The following USH2A variants were observed in gnomAD, a reference collection of about 807,000 sequenced individuals.
USH2A encodes Usher syndrome 2A (autosomal recessive, mild).
USH2A carries 443 observed loss-of-function variants against 538.9 expected under a neutral mutation model. The ratio of observed to expected loss-of-function variants is 0.82; its 90% CI spans 0.76 to 0.89. The LOEUF is 0.89. Among genes scored for constraint, USH2A ranks in the 40% least tolerant of loss-of-function variants. USH2A has a pLI of 0.00. For synonymous variants in USH2A, 2,413 were observed against 2,273.5 expected (o/e 1.06, Z -1.75); for missense variants, 6,633 against 6,324.8 (o/e 1.05, Z -1.65).
chr1:216,207,389 G>A lies in USH2A; in HGVS notation c.3200C>T (p.Ser1067Phe), dbSNP rs2035138677. The change falls in exon 16 of 72, where the codon TCT (serine) becomes TTT (phenylalanine). Residue 1067 changes from serine to phenylalanine, a missense_variant. Transcript: ENST00000307340. Reference sequence around the variant, plus strand: ...ACTCCAGGAGAGATTGATAGCAGAAGAACTTTGAACTTGTCCTCTGGGCGG... The same window carrying A: ...ACTCCAGGAGAGATTGATAGCAGAAAAACTTTGAACTTGTCCTCTGGGCGG... Reference protein sequence around the residue: ...QPPPRGQVQSSSAINLSWSPP... With the variant: ...QPPPRGQVQSFSAINLSWSPP... 6.2e-7 allele frequency: 1 copy of A among 1,614,026 alleles called. No homozygotes were observed. Among genetic ancestry groups the A allele is most frequent in the Middle Eastern group, 1.7e-4 (1 of 6,058 alleles).
chr1:216,257,207 T>C (rs916319050), intron 11 of USH2A, among the ~76,000 whole-genome samples: 2 of 152,012 alleles, frequency 1.3e-5, no homozygotes, highest in African/African-American at 2.4e-5. Context: ...ATGTGTCTTA[T>C]AGTATAGGTT....
intron 64 of USH2A, among the ~76,000 whole-genome samples, chr1:215,652,705 A>G (rs1015432846): frequency 6.6e-6 from 1 of 152,170 alleles, no homozygotes; most frequent in Non-Finnish European, 1.5e-5. Flanking sequence ...TTTTACTGCA[A>G]ATATCTTTCT....
intron 38 of USH2A, among the ~76,000 whole-genome samples, chr1:215,911,872 T>A (rs1205775468): frequency 6.6e-6 from 1 of 152,034 alleles, no homozygotes; most frequent in Non-Finnish European, 1.5e-5. Context: ...CAGCTTTTGT[T>A]ATTTATTGCC....
chr1:216,037,230 T>C (rs1322704427), intron 32 of USH2A, among the ~76,000 whole-genome samples: 2 of 152,106 alleles, frequency 1.3e-5, no homozygotes, highest in Non-Finnish European at 2.9e-5. Context: ...ATTTCTCATG[T>C]TCAATGAGAG....
intron 32 of USH2A, among the ~76,000 whole-genome samples, chr1:216,022,867 G>A (rs1436009525): frequency 1.3e-5 from 2 of 152,156 alleles, no homozygotes; most frequent in Admixed American, 1.3e-4. Flanking sequence ...ACCTGGTGGA[G>A]CAGCAATGGA....
At chr1:215,851,818 C>A (rs1664024276) in intron 44 of USH2A, among the ~76,000 whole-genome samples, 1 of 151,850 alleles carries the variant, frequency 6.6e-6, no homozygotes, top group Non-Finnish European at 1.5e-5. Context: ...AATCCAACAG[C>A]ATATCAAAAA....
chr1:215,664,874 G>A (rs183381114), intron 64 of USH2A, among the ~76,000 whole-genome samples: 56 of 152,222 alleles, frequency 3.7e-4, no homozygotes, highest in African/African-American at 9.9e-4. Context: ...GTACTTTCCC[G>A]CCTCTAGAAT....
chr1:215,749,600 G>C lies in USH2A; in HGVS notation c.11390-6265C>G, dbSNP rs188309379. On this transcript the variant is annotated intron_variant, in intron 58 of 71. Transcript: ENST00000307340. ...GAGTCTGAAATGACTGAGCCCCCTGGTATTCTGATGACTAAATGAAATGAA... is the reference window on the plus strand; with the variant it reads ...GAGTCTGAAATGACTGAGCCCCCTGCTATTCTGATGACTAAATGAAATGAA... Among the ~76,000 whole-genome samples the C allele has an allele frequency of 2.5e-3, 385 of 152,206 alleles. 4 individuals carry two copies. Among genetic ancestry groups the C allele is most frequent in the African/African-American group, 9.0e-3 (372 of 41,526 alleles).
At chr1:215,848,798 C>G (rs1663933460) in intron 44 of USH2A, among the ~76,000 whole-genome samples, 1 of 152,184 alleles carries the variant, frequency 6.6e-6, no homozygotes, top group Non-Finnish European at 1.5e-5. Flanking sequence ...TGTAGAAACA[C>G]ATACAATTTT....
intron 11 of USH2A, among the ~76,000 whole-genome samples, chr1:216,275,631 G>A (rs1388323593): frequency 6.6e-6 from 1 of 151,952 alleles, no homozygotes; most frequent in Non-Finnish European, 1.5e-5. Context: ...AAATAAATCA[G>A]GTTTTCTAAA....
At chr1:215,866,917 G>A in intron 44 of USH2A, 90 bp downstream of exon 44, 1 of 1,546,412 alleles carries the variant, frequency 6.5e-7, no homozygotes, top group Non-Finnish European at 8.9e-7. Context: ...CTATCAAAAT[G>A]ATGTGTACAT....
At chr1:215,964,822 T>C (rs911025611) in intron 37 of USH2A, among the ~76,000 whole-genome samples, 2 of 152,306 alleles carry the variant, frequency 1.3e-5, no homozygotes, top group South Asian at 4.1e-4. Flanking sequence ...TAATCCACAT[T>C]CAGTAAATTT....
chr1:215,979,404 G>C (rs554859049), intron 35 of USH2A, among the ~76,000 whole-genome samples: 2 of 152,186 alleles, frequency 1.3e-5, no homozygotes, highest in South Asian at 4.1e-4. Context: ...CAAGGAGTTG[G>C]GATTTTATGA....
intron 32 of USH2A, among the ~76,000 whole-genome samples, chr1:216,037,155 GA>G (rs1464340849): frequency 1.3e-5 from 2 of 151,982 alleles, no homozygotes; most frequent in African/African-American, 4.8e-5. Context: ...GAAACGAAAA[GA>G]AGTCAGAAGG....
chr1:215,778,111 G>A (rs1452734998), intron 55 of USH2A, among the ~76,000 whole-genome samples: 1 of 151,356 alleles, frequency 6.6e-6, no homozygotes, highest in East Asian at 1.9e-4. Context: ...GAGTGCACTG[G>A]TGTAATCTCA....
At chr1:216,183,035 C>A (rs922376307) in intron 20 of USH2A, among the ~76,000 whole-genome samples, 1 of 152,028 alleles carries the variant, frequency 6.6e-6, no homozygotes, top group South Asian at 2.1e-4. Flanking sequence ...AATGTTACAT[C>A]CAATTGTTAC....
At chr1:216,159,155 C>A (rs1330212072) in intron 21 of USH2A, among the ~76,000 whole-genome samples, 1 of 151,970 alleles carries the variant, frequency 6.6e-6, no homozygotes, top group Non-Finnish European at 1.5e-5. Context: ...TGGTTTACTT[C>A]TTCTTTGACA....
chr1:216,193,288 T>C (rs1202346940), intron 19 of USH2A, among the ~76,000 whole-genome samples: 2 of 152,116 alleles, frequency 1.3e-5, no homozygotes, highest in East Asian at 3.9e-4. Flanking sequence ...GACTAACCTG[T>C]TTAAGTCAAA....
chr1:216,298,843 CTTTT>C (rs10548505), intron 9 of USH2A, among the ~76,000 whole-genome samples: 2 of 143,258 alleles, frequency 1.4e-5, no homozygotes. Flanking sequence ...TAGGAGAATA[CTTTT>C]TTTTTTTTTT....
Sources: allele counts gnomAD v4.1 joint callset (sites outside exome capture counted in the v4.1 genomes callset), GRCh38; gene constraint gnomAD v4.1.1; transcripts MANE v1.5; gene names NCBI Gene and HGNC (gene_info 2026-07-23, HGNC 2026-07-21).